Variants in KALRN observed in about 807,000 individuals in gnomAD.
KALRN encodes kalirin.
In KALRN, 70 loss-of-function variants were observed where a neutral mutation model predicts 353.7. The observed-to-expected ratio is 0.20, with a 90% CI of 0.16 to 0.24. The LOEUF (loss-of-function observed/expected upper bound fraction) is 0.24. Among genes scored for constraint, KALRN ranks in the 10% least tolerant of loss-of-function variants. The probability of loss-of-function intolerance (pLI) is 1.00; values close to 1 mark genes in which losing one functional copy is unlikely to be tolerated. For synonymous variants in KALRN, 1,391 were observed against 1,434.8 expected, an observed-to-expected ratio of 0.97 and a Z score of 0.69; for missense variants, 2,791 against 3,756.7, an observed-to-expected ratio of 0.74 and a Z score of 6.72.
At position 124,052,884 on chromosome 3, in the gene KALRN, G is replaced by C. The variant is rs75995942; in HGVS notation, c.73+19071G>C. Among the ~76,000 whole-genome samples the C allele has an allele frequency of 6.4e-3, 979 of 152,248 alleles. 7 individuals are homozygous for C. Among genetic ancestry groups the C allele is most frequent in the African/African-American group, 0.022 (931 of 41,550 alleles). ...GAATTCATTATCCATAGTGACAAGT[G>C]GGGAGAGGCATTCCTAGCAGAGGAA... On this transcript the variant is annotated intron_variant, in intron 1 of 59. Coordinates refer to ENST00000682506, the MANE Select transcript of KALRN (RefSeq NM_001388419.1).
intron 44 of KALRN, 106 bp downstream of exon 44, chr3:124,661,079 C>A (rs2084812909): frequency 1.2e-6 from 1 of 857,568 alleles, no homozygotes; most frequent in South Asian, 1.4e-5. Flanking sequence ...CAGGTGGACC[C>A]CTCTCAGACA....
chr3:124,374,205 C>G (rs960640863), intron 10 of KALRN: 1 of 152,440 alleles, frequency 6.6e-6, no homozygotes, highest in Non-Finnish European at 1.5e-5. Flanking sequence ...AAGCCCTCAC[C>G]AGATACTGAA....
At chr3:124,210,438 G>A (rs1429972629) in intron 1 of KALRN, among the ~76,000 whole-genome samples, 1 of 152,090 alleles carries the variant, frequency 6.6e-6, no homozygotes, top group African/African-American at 2.4e-5. Flanking sequence ...TCCCCAGCAT[G>A]GTTCTTATCC....
chr3:124,130,903 T>C (rs915987545), intron 1 of KALRN, among the ~76,000 whole-genome samples: 1 of 152,180 alleles, frequency 6.6e-6, no homozygotes, highest in Non-Finnish European at 1.5e-5. Flanking sequence ...CTCCCACTTA[T>C]ATGACCAAAC....
At chr3:124,621,961 G>A (rs376658337) in intron 34 of KALRN, among the ~76,000 whole-genome samples, 67 of 152,148 alleles carry the variant, frequency 4.4e-4, no homozygotes, top group African/African-American at 1.5e-3. Flanking sequence ...CTCCCATTAC[G>A]TGCCCTTCTC....
intron 3 of KALRN, among the ~76,000 whole-genome samples, chr3:124,263,684 A>G (rs76305045): frequency 0.02 from 3,098 of 152,328 alleles, 39 homozygotes; most frequent in Middle Eastern, 0.034. Context: ...TACTTTGTGT[A>G]CCATCTCTCA....
At chr3:124,622,009 A>G (rs2079325166) in intron 34 of KALRN, among the ~76,000 whole-genome samples, 1 of 152,236 alleles carries the variant, frequency 6.6e-6, no homozygotes, top group African/African-American at 2.4e-5. Flanking sequence ...AGATGTATAT[A>G]TGATATTTCT....
At chr3:124,627,971 A>G (rs1167013885) in intron 34 of KALRN, among the ~76,000 whole-genome samples, 1 of 152,188 alleles carries the variant, frequency 6.6e-6, no homozygotes, top group Admixed American at 6.5e-5. Context: ...AAATACAAAT[A>G]TTCTGCTGCT....
At chr3:124,121,333 A>G (rs937833368) in intron 1 of KALRN, among the ~76,000 whole-genome samples, 1 of 152,324 alleles carries the variant, frequency 6.6e-6, no homozygotes, top group South Asian at 2.1e-4. Context: ...TAGGTGCTCA[A>G]TAAAGAAATA....
At chr3:124,519,148 C>T in intron 33 of KALRN, 3 of 985,524 alleles carry the variant, frequency 3.0e-6, no homozygotes, top group East Asian at 1.1e-4. Context: ...GGTTCAAAGA[C>T]CACCCTACCA....
intron 16 of KALRN, among the ~76,000 whole-genome samples, chr3:124,433,437 A>T (rs2093351941): frequency 6.6e-6 from 1 of 151,698 alleles, no homozygotes; most frequent in Non-Finnish European, 1.5e-5. Context: ...AAAAGTGAAA[A>T]ATTAGCCAAG....
intron 5 of KALRN, among the ~76,000 whole-genome samples, chr3:124,286,630 TCCA>T (rs2075937778): frequency 6.6e-6 from 1 of 152,180 alleles, no homozygotes; most frequent in African/African-American, 2.4e-5. Flanking sequence ...ATTACACTCA[TCCA>T]GTGAATTCTT....
At chr3:124,208,085 C>T (rs1277028544) in intron 1 of KALRN, among the ~76,000 whole-genome samples, 1 of 152,204 alleles carries the variant, frequency 6.6e-6, no homozygotes, top group Non-Finnish European at 1.5e-5. Context: ...ACTAAGTCAG[C>T]CCACATCCTG....
chr3:124,417,360 C>T (rs886356072), intron 14 of KALRN, among the ~76,000 whole-genome samples: 2 of 152,234 alleles, frequency 1.3e-5, no homozygotes, highest in African/African-American at 4.8e-5. Flanking sequence ...TAGCTGCCCT[C>T]ATCGGCCAGG....
chr3:124,061,050 A>G (rs937767956), intron 1 of KALRN, among the ~76,000 whole-genome samples: 6 of 152,210 alleles, frequency 3.9e-5, no homozygotes, highest in African/African-American at 1.4e-4. Flanking sequence ...AAGAAATTGG[A>G]GACAGTGACG....
Position 124,584,828 on chromosome 3 carries a change from G to T in KALRN, c.5182+21739G>T. The T allele has an allele frequency of 1.9e-6, 3 of 1,604,368 alleles. No homozygotes were observed. In the East Asian group the frequency reaches 6.8e-5, roughly 36 times the overall value. Reference sequence around the variant, plus strand: ...GCTGGGGCGGCGGGGCAACATGAAGGGCGGCGACAGGGCTTACACCCGAGG... The same window carrying T: ...GCTGGGGCGGCGGGGCAACATGAAGTGCGGCGACAGGGCTTACACCCGAGG... On this transcript the variant is annotated intron_variant, in intron 34 of 59. Transcript: ENST00000682506.
intron 49 of KALRN, among the ~76,000 whole-genome samples, chr3:124,677,808 C>A (rs1481437826): frequency 6.6e-6 from 1 of 152,212 alleles, no homozygotes; most frequent in Admixed American, 6.5e-5. Flanking sequence ...CCTTGACTTT[C>A]CTATTCTACT....
chr3:124,319,964 A>G (rs1011200062), intron 6 of KALRN, among the ~76,000 whole-genome samples: 1 of 151,910 alleles, frequency 6.6e-6, no homozygotes, highest in African/African-American at 2.4e-5. Context: ...ACTACACTCC[A>G]GCCTGGGCAA....
rs1032156327 is a variant in KALRN at position 124,477,392 on chromosome 3, T to C, written c.4191+58T>C. 1.7e-5 allele frequency: 16 copies of C among 927,076 alleles called. No individual in the cohort carries two copies. In the Admixed American group the frequency reaches 1.9e-4, roughly 11 times the overall value. The allele number at this position is 927,076 out of a possible 1,614,324, so 57.4% of individuals were successfully genotyped here. A position where few individuals can be genotyped will look rare whatever the true frequency, so the allele number is the denominator to read the frequency against. On this transcript the variant is annotated intron_variant, in intron 27 of 59. Transcript: ENST00000682506. ...TGAGCAGGTGGAAATGCTTCTCTGC[T>C]TTGGCATAATGGATGGATATTTAGC...
Sources: gnomAD v4.1 joint callset for allele counts (sites outside exome capture counted in the v4.1 genomes callset) on GRCh38, gnomAD v4.1.1 for gene constraint, MANE v1.5 for transcripts, NCBI Gene and HGNC (gene_info 2026-07-23, HGNC 2026-07-21) for gene names.